STK32C: variants seen among roughly 807,000 people sequenced by gnomAD.
STK32C encodes serine/threonine kinase 32C, also known as serine/threonine-protein kinase 32C.
In STK32C, 31 loss-of-function variants were observed where a neutral mutation model predicts 56.5. That is an observed-to-expected ratio of 0.55 (90% confidence interval 0.41 to 0.74). STK32C has a LOEUF of 0.74. Among genes scored for constraint, STK32C ranks in the 30% least tolerant of loss-of-function variants. The probability of loss-of-function intolerance (pLI) is 0.00; values close to 1 mark genes in which losing one functional copy is unlikely to be tolerated. For synonymous variants in STK32C, 309 were observed against 289.4 expected (o/e 1.07, Z -0.69); for missense variants, 544 against 676.9 (o/e 0.80, Z 2.18).
At chr10:132,235,870 G>A (rs1046859431) in intron 2 of STK32C, among the ~76,000 whole-genome samples, 4 of 151,602 alleles carry the variant, frequency 2.6e-5, no homozygotes, top group South Asian at 2.1e-4. Flanking sequence ...GAAAAATACC[G>A]TGGCGGTGGC....
At chr10:132,319,707 T>G (rs937204481), downstream of STK32C, among the ~76,000 whole-genome samples, 3 of 152,222 alleles carry the variant, frequency 2.0e-5, no homozygotes, top group Non-Finnish European at 4.4e-5. Flanking sequence ...ATGCAGGGGC[T>G]GAGGGTACTC....
chr10:132,215,186 T>A (rs1430434005), intron 10 of STK32C, among the ~76,000 whole-genome samples: 1 of 151,710 alleles, frequency 6.6e-6, no homozygotes, highest in Non-Finnish European at 1.5e-5. Flanking sequence ...ACCCAGATAA[T>A]TTTTTTTTGT....
At chr10:132,278,117 T>C (rs962276022) in intron 1 of STK32C, among the ~76,000 whole-genome samples, 2 of 152,178 alleles carry the variant, frequency 1.3e-5, no homozygotes, top group Admixed American at 1.3e-4. Flanking sequence ...CACCCCTCTC[T>C]GCAGACTCTG....
chr10:132,247,977 C>T (rs74552944), intron 1 of STK32C, among the ~76,000 whole-genome samples: 2,423 of 152,214 alleles, frequency 0.016, 72 homozygotes, highest in African/African-American at 0.054. Context: ...AGACAAGACC[C>T]GTGGCCGACA....
At chr10:132,230,579 A>G (rs2063056810) in intron 2 of STK32C, among the ~76,000 whole-genome samples, 1 of 151,748 alleles carries the variant, frequency 6.6e-6, no homozygotes, top group Non-Finnish European at 1.5e-5. Context: ...GCTGTGAGAC[A>G]AATATGGTGG....
intron 1 of STK32C, among the ~76,000 whole-genome samples, chr10:132,278,452 AAC>A (rs2065051384): frequency 7.6e-6 from 1 of 130,806 alleles, no homozygotes; most frequent in Non-Finnish European, 1.6e-5. Context: ...GATAACAATA[AAC>A]ACAGTTTTTA....
At position 132,222,855 on chromosome 10, in the gene STK32C, G is replaced by A; in HGVS notation, c.1119+6C>T. 6.3e-7 allele frequency: 1 copy of A among 1,590,334 alleles called. No homozygotes were observed. Reference sequence around the variant, plus strand: ...GGCCCCCCACCTGAGCCGCCCACAGGCTTACGTTGGGCACGAAGCCCGGCT... The same window carrying A: ...GGCCCCCCACCTGAGCCGCCCACAGACTTACGTTGGGCACGAAGCCCGGCT... On this transcript the variant is annotated splice_donor_region_variant and intron_variant, in intron 9 of 11. Coordinates refer to ENST00000298630, the MANE Select transcript of STK32C (RefSeq NM_173575.4).
At chr10:132,211,202 C>G (rs2062287240) in intron 10 of STK32C, among the ~76,000 whole-genome samples, 1 of 152,168 alleles carries the variant, frequency 6.6e-6, no homozygotes, top group Non-Finnish European at 1.5e-5. Flanking sequence ...CTGATATAGA[C>G]AGACAAGTCT....
At chr10:132,282,230 C>T (rs890420967) in intron 1 of STK32C, among the ~76,000 whole-genome samples, 16 of 152,264 alleles carry the variant, frequency 1.1e-4, no homozygotes, top group African/African-American at 3.1e-4. Flanking sequence ...CGAGAGGCTT[C>T]GCAGCCGCCC....
At chr10:132,294,836 C>T (rs142029318) in intron 1 of STK32C, among the ~76,000 whole-genome samples, 260 of 152,258 alleles carry the variant, frequency 1.7e-3, no homozygotes, top group Non-Finnish European at 2.8e-3. Context: ...CCCCGGAAGT[C>T]CTGACCACGG....
rs377342172 is a variant in STK32C, at chr10:132,274,986, C to T, written c.263-29031G>A. Among the ~76,000 whole-genome samples, 4 of 152,200 alleles carry T rather than the reference C, an allele frequency of 2.6e-5. No homozygotes were observed. In the South Asian group the frequency reaches 6.2e-4, roughly 24 times the overall value. On this transcript the variant is annotated intron_variant, in intron 1 of 11. Coordinates refer to ENST00000298630, the MANE Select transcript of STK32C (RefSeq NM_173575.4). The stretch of plus-strand genomic sequence containing the variant: ...TGACAGCCGGGACAGGGACCGAGAA[C>T]CCTGTGCCAGCCCCAGCTTCTGAGG...
intron 1 of STK32C, among the ~76,000 whole-genome samples, chr10:132,286,057 T>C (rs1399423170): frequency 6.7e-6 from 1 of 149,832 alleles, no homozygotes; most frequent in African/African-American, 2.5e-5. Flanking sequence ...ACCCGGGAAG[T>C]GGAGCTCGCA....
At chr10:132,293,268 C>T (rs956055624) in intron 1 of STK32C, among the ~76,000 whole-genome samples, 4 of 152,206 alleles carry the variant, frequency 2.6e-5, no homozygotes, top group Non-Finnish European at 4.4e-5. Flanking sequence ...TGGCGCCTGG[C>T]GGGCTCCCCT....
At chr10:132,266,460 CTG>C (rs943402029) in intron 1 of STK32C, among the ~76,000 whole-genome samples, 2 of 152,170 alleles carry the variant, frequency 1.3e-5, no homozygotes, top group Non-Finnish European at 2.9e-5. Flanking sequence ...GTGCCCTTGA[CTG>C]TAATTATACC....
intron 1 of STK32C, among the ~76,000 whole-genome samples, chr10:132,260,432 T>A (rs767934569): frequency 6.6e-6 from 1 of 151,974 alleles, no homozygotes; most frequent in Non-Finnish European, 1.5e-5. Context: ...CACCAGCTCC[T>A]GTGTGCCAGG....
At chr10:132,253,422 GGAGGGAGTC>G (rs546688411) in intron 1 of STK32C, among the ~76,000 whole-genome samples, 132 of 143,864 alleles carry the variant, frequency 9.2e-4, no homozygotes, top group African/African-American at 3.0e-3. Context: ...GGAGGGAGCT[GGAGGGAGTC>G]GAGGGAGCTG....
rs549580293 is a variant in STK32C at position 132,231,156 on chromosome 10, C to T, written c.319-3028G>A. 2.6e-5 allele frequency among the ~76,000 whole-genome samples: 4 copies of T among 152,374 alleles called. No homozygotes were observed. In the South Asian group the frequency reaches 8.3e-4, roughly 32 times the overall value. ...TCTCCCCGTCACACGCATCCCATCA[C>T]CCACAGCCAGGGAGCAGGGACAGAA... On this transcript the variant is annotated intron_variant, in intron 2 of 11. Coordinates refer to ENST00000298630, the MANE Select transcript of STK32C (RefSeq NM_173575.4).
At chr10:132,213,139 A>G (rs758832103) in intron 10 of STK32C, among the ~76,000 whole-genome samples, 1 of 152,236 alleles carries the variant, frequency 6.6e-6, no homozygotes, top group Non-Finnish European at 1.5e-5. Context: ...ATACACCCAG[A>G]GCATTCTCCA....
At chr10:132,324,119 C>G (rs904455342) in exon 2 of STK32C, 5 of 652,864 alleles carry the variant, frequency 7.7e-6, no homozygotes, top group African/African-American at 5.4e-5. Context: ...GGGACCCACT[C>G]CAATCACAGC....
Sources: allele counts gnomAD v4.1 joint callset (sites outside exome capture counted in the v4.1 genomes callset), GRCh38; gene constraint gnomAD v4.1.1; transcripts MANE v1.5; gene names NCBI Gene and HGNC (gene_info 2026-07-23, HGNC 2026-07-21).